The following CDC23 variants were observed in gnomAD, a reference collection of about 807,000 sequenced individuals.
The protein encoded by CDC23 is cell division cycle 23.
CDC23 carries 26 observed loss-of-function variants against 81.7 expected under a neutral mutation model. The observed-to-expected ratio is 0.32, with a 90% CI of 0.23 to 0.44. The LOEUF is 0.44. CDC23 is among the 20% of genes least tolerant of loss of function. The pLI, the probability that CDC23 is intolerant of heterozygous loss-of-function variation, is 1.00. For synonymous variants in CDC23, 267 were observed against 270.8 expected, an observed-to-expected ratio of 0.99 and a Z score of 0.14; for missense variants, 519 against 728.0, an observed-to-expected ratio of 0.71 and a Z score of 3.30.
At chr5:138,209,949 A>C (rs1381195742) in intron 2 of CDC23, among the ~76,000 whole-genome samples, 3 of 151,646 alleles carry the variant, frequency 2.0e-5, no homozygotes. Context: ...TGAATCATGC[A>C]TGTAATCCCA....
At chr5:138,197,434 T>A (rs572025727) in intron 9 of CDC23, among the ~76,000 whole-genome samples, 1 of 150,932 alleles carries the variant, frequency 6.6e-6, no homozygotes, top group South Asian at 2.1e-4. Flanking sequence ...TAGATAGCAC[T>A]ATGTATAATG....
chr5:138,207,617 G>A (rs1755065839), intron 2 of CDC23, among the ~76,000 whole-genome samples: 1 of 152,086 alleles, frequency 6.6e-6, no homozygotes, highest in Non-Finnish European at 1.5e-5. Flanking sequence ...GAACACAGCT[G>A]TAATTCTCTA....
chr5:138,198,249 T>C lies in CDC23; in HGVS notation c.962A>G (p.His321Arg), dbSNP rs1315956139. The change falls in exon 9 of 16, where the codon CAT (histidine) becomes CGT (arginine). Residue 321 changes from histidine (H) to arginine (R), a missense_variant. This residue lies in a region of CDC23 where 175 missense variants were observed against 337.8 expected (regional missense o/e 0.52). Transcript: ENST00000394886. Reference protein sequence around the residue: ...SMKSELSYLAHNLCEIDKYRV... With the variant: ...SMKSELSYLARNLCEIDKYRV... ...ATATTTATCAATCTCACAGAGGTTATGAGCCAGATAACTCAACTCCGATTT... is the reference window on the plus strand; with the variant it reads ...ATATTTATCAATCTCACAGAGGTTACGAGCCAGATAACTCAACTCCGATTT... 6.2e-7 allele frequency: 1 copy of C among 1,613,870 alleles called. No homozygotes were observed.
intron 3 of CDC23, among the ~76,000 whole-genome samples, chr5:138,203,064 G>A (rs910403200): frequency 4.6e-5 from 7 of 152,032 alleles, no homozygotes; most frequent in Admixed American, 6.6e-5. Context: ...CACTAGATGC[G>A]ATGCCCTGTG....
rs1754804268 is a variant in CDC23, at chr5:138,189,657, T to C, written c.1599A>G (p.Ala533=). The C allele has an allele frequency of 1.2e-6, 2 of 1,613,840 alleles. No individual in the cohort carries two copies. The highest frequency in any genetic ancestry group is 1.7e-6 in the Non-Finnish European group (2 of 1,179,876). The part of the protein sequence containing the change: ...CKLWDEASTC[A]QKCCAFNDTR... ...CATCATTAAATGCACAACACTTTTG[T>C]GCACAAGTTGAAGCTTCATCCCACA... Residue 533 remains alanine, a synonymous_variant, in exon 15 of 16, where the codon GCA becomes GCG. Coordinates refer to ENST00000394886, the MANE Select transcript of CDC23 (RefSeq NM_004661.4).
chr5:138,194,920 C>T (rs1490303976), intron 9 of CDC23, among the ~76,000 whole-genome samples: 2 of 151,696 alleles, frequency 1.3e-5, no homozygotes, highest in Non-Finnish European at 2.9e-5. Flanking sequence ...CAGGGTTTCA[C>T]CATGTTGGCC....
Position 138,197,304 on chromosome 5 carries a change from CA to C in CDC23, c.1012+894del, listed in dbSNP as rs33974714. On this transcript the variant is annotated intron_variant, in intron 9 of 15. Transcript: ENST00000394886. ...GGACGACAGAGCGAGACTCTGTCAC[CA>C]AAAAAAAAAAAAAAAAAAGTACATC... 3.4e-3 allele frequency among the ~76,000 whole-genome samples: 198 copies of C among 58,346 alleles called. 1 individual carries two copies. Among genetic ancestry groups the C allele is most frequent in the African/African-American group, 7.7e-3 (89 of 11,548 alleles). 38.3% of individuals were successfully genotyped at this position (58,346 alleles called of 152,430 possible). A position where few individuals can be genotyped will look rare whatever the true frequency, so the allele number is the denominator to read the frequency against.
chr5:138,198,142 CAT>C (rs983047405), intron 9 of CDC23, 55 bp downstream of exon 9: 51 of 1,299,780 alleles, frequency 3.9e-5, no homozygotes, highest in African/African-American at 2.2e-4. Flanking sequence ...GTTATTTTCA[CAT>C]GTGTTACTTA....
At chr5:138,201,078 GGTTTTTCA>G in intron 6 of CDC23, 21 bp downstream of exon 6, 1 of 1,608,812 alleles carries the variant, frequency 6.2e-7, no homozygotes. Flanking sequence ...TGAAGCAGAG[GGTTTTTCA>G]CATAGCTCAT....
intron 12 of CDC23, 148 bp downstream of exon 12, chr5:138,191,714 G>T (rs1427976842): frequency 3.3e-6 from 3 of 917,480 alleles, no homozygotes; most frequent in East Asian, 4.8e-5. Context: ...CCTTGGCCCA[G>T]CTTTGCTTTC....
chr5:138,208,354 C>T (rs925989926), intron 2 of CDC23, among the ~76,000 whole-genome samples: 2 of 152,216 alleles, frequency 1.3e-5, no homozygotes, highest in Non-Finnish European at 2.9e-5. Context: ...GGAACCAAAA[C>T]ATATTCAGTG....
In CDC23 at chr5:138,206,667, C is replaced by G. The variant is rs771848299; in HGVS notation, c.252G>C (p.Met84Ile). Residue 84 changes from methionine (M) to isoleucine (I), a missense_variant, in exon 3 of 16, where the codon ATG (methionine) becomes ATC (isoleucine). Met to Ile is a conservative substitution (Grantham distance 10). Transcript: ENST00000394886. ...PPITEEDAQD[M>I]DAYTLAKAYF... ...AGGCCTTGGCCAGGGTATAGGCATC[C>G]ATATCCTGGGCATCTTCCTAAAAAA... 6.2e-7 allele frequency: 1 copy of G among 1,610,830 alleles called. No homozygotes were observed. The highest frequency in any genetic ancestry group is 8.5e-7 in the Non-Finnish European group (1 of 1,178,412).
intron 6 of CDC23, 177 bp downstream of exon 6, chr5:138,200,930 C>T: frequency 1.7e-6 from 1 of 589,166 alleles, no homozygotes; most frequent in Non-Finnish European, 3.0e-6. Flanking sequence ...TGAAAAAGAG[C>T]TAGTCATCAG....
chr5:138,192,511 C>T lies in CDC23; in HGVS notation c.1159G>A (p.Ala387Thr). Reference protein sequence around the residue: ...EMKNTSAAIQAYRHAIEVNKR... With the variant: ...EMKNTSAAIQTYRHAIEVNKR... ...CCACCTATAGATAATCACCTATAAG[C>T]CTGGATAGCAGCAGACGTGTTCTTC... is the stretch of plus-strand genomic sequence containing the variant. Residue 387 changes from alanine (A) to threonine (T), a missense_variant, in exon 10 of 16, where the codon GCT (alanine) becomes ACT (threonine). Physicochemically the swap from Ala to Thr is moderately conservative, Grantham distance 58. Coordinates refer to ENST00000394886, the MANE Select transcript of CDC23 (RefSeq NM_004661.4). 6.2e-7 allele frequency: 1 copy of T among 1,614,028 alleles called. No individual in the cohort carries two copies. The highest frequency in any genetic ancestry group is 8.5e-7 in the Non-Finnish European group (1 of 1,179,980).
intron 12 of CDC23, 95 bp downstream of exon 12, chr5:138,191,767 G>C (rs947074647): frequency 8.3e-6 from 9 of 1,084,554 alleles, no homozygotes; most frequent in African/African-American, 4.7e-5. Context: ...TATGCACCTA[G>C]ATCAGAATAA....
At chr5:138,197,266 T>C (rs1464198471) in intron 9 of CDC23, among the ~76,000 whole-genome samples, 8 of 133,478 alleles carry the variant, frequency 6.0e-5, no homozygotes, top group Non-Finnish European at 9.2e-5. Context: ...ATGGCGCCAC[T>C]GCACTCCAGC....
intron 2 of CDC23, among the ~76,000 whole-genome samples, chr5:138,212,376 T>C (rs1483361869): frequency 1.3e-5 from 2 of 152,222 alleles, no homozygotes; most frequent in Non-Finnish European, 2.9e-5. Flanking sequence ...TGGAGTGCAA[T>C]GGCGCGATCT....
In CDC23 at chr5:138,201,426, C is replaced by G; in HGVS notation, c.438G>C (p.Val146=). The change falls in exon 5 of 16, where the codon GTG becomes GTC. Residue 146 remains valine, a synonymous_variant. Coordinates refer to ENST00000394886, the MANE Select transcript of CDC23 (RefSeq NM_004661.4). The stretch of plus-strand genomic sequence containing the variant: ...TCAATTCTCTAAGCGCCTCATTTTT[C>G]ACTTGTCCTTTTTCCAGGGGGCCTA... ...DSLGPLEKGQ[V]KNEALRELRV... 1 of 1,613,924 alleles carries G rather than the reference C, an allele frequency of 6.2e-7. No homozygotes were observed.
intron 3 of CDC23, among the ~76,000 whole-genome samples, chr5:138,203,773 C>T (rs1755016646): frequency 6.6e-6 from 1 of 151,988 alleles, no homozygotes; most frequent in Non-Finnish European, 1.5e-5. Context: ...ATTAGCCGGG[C>T]ATGGTAGTGA....
Sources: allele counts gnomAD v4.1 joint callset (sites outside exome capture counted in the v4.1 genomes callset), GRCh38; gene constraint gnomAD v4.1.1; regional missense constraint gnomAD v4.1.1; transcripts MANE v1.5; gene names NCBI Gene and HGNC (gene_info 2026-07-23, HGNC 2026-07-21).